Variants in NFE2L3 observed in about 807,000 individuals in gnomAD.
NFE2L3 encodes nuclear factor erythroid 2-related factor 3.
In NFE2L3, 18 loss-of-function variants were observed where a neutral mutation model predicts 23.5. The ratio of observed to expected loss-of-function variants is 0.77; its 90% confidence interval spans 0.53 to 1.13. NFE2L3 has a LOEUF of 1.13. Among genes scored for constraint, NFE2L3 ranks in the 50% most tolerant of loss-of-function variants. NFE2L3 has a pLI of 0.00. For synonymous variants in NFE2L3, 424 were observed against 354.5 expected (o/e 1.20, Z -2.20); for missense variants, 1,152 against 877.2 (o/e 1.31, Z -3.96).
intron 1 of NFE2L3, among the ~76,000 whole-genome samples, chr7:26,160,090 A>G (rs1226895858): frequency 6.6e-6 from 1 of 151,482 alleles, no homozygotes; most frequent in Non-Finnish European, 1.5e-5. Context: ...AGTGGCTGGG[A>G]TCACAAGCAT....
At chr7:26,184,046 C>A in intron 3 of NFE2L3, 1 of 477,738 alleles carries the variant, frequency 2.1e-6, no homozygotes, top group Non-Finnish European at 3.7e-6. Flanking sequence ...GGTATTTATC[C>A]AAAGGAAAGG....
At position 26,186,007 on chromosome 7, in the gene NFE2L3, G is replaced by GTA. The variant is rs1486118635; in HGVS notation, c.*227_*228dup. 1.2e-5 allele frequency: 5 copies of GTA among 417,002 alleles called. No individual in the cohort carries two copies. The highest frequency in any genetic ancestry group is 2.1e-5 in the Non-Finnish European group (5 of 235,048). 25.8% of individuals were successfully genotyped at this position (417,002 alleles called of 1,614,324 possible). A position where few individuals can be genotyped will look rare whatever the true frequency, so the allele number is the denominator to read the frequency against. On this transcript the variant is annotated 3_prime_UTR_variant, in exon 4 of 4. Coordinates refer to ENST00000056233, the MANE Select transcript of NFE2L3 (RefSeq NM_004289.7). ...GCCACAACTTTTCATGAAGTGCATT[G>GTA]TATACAAAATTCATAGTTATGTCCA...
intron 1 of NFE2L3, among the ~76,000 whole-genome samples, chr7:26,156,986 C>A (rs1179409265): frequency 2.0e-5 from 3 of 152,126 alleles, no homozygotes; most frequent in Admixed American, 6.5e-5. Flanking sequence ...GTGGCACGTG[C>A]CTGTAGTCCC....
chr7:26,184,766 T>G lies in NFE2L3; in HGVS notation c.1068T>G (p.Leu356=), dbSNP rs1755085934. The G allele has an allele frequency of 6.2e-7, 1 of 1,613,832 alleles. No homozygotes were observed. Among genetic ancestry groups the G allele is most frequent in the South Asian group, 1.1e-5 (1 of 91,076 alleles). ...NSHTTNPEQT[L]PGTNLTGFLS... is the part of the protein sequence containing the mutation. The stretch of plus-strand genomic sequence containing the variant: ...ATACCACCAATCCTGAGCAAACCCT[T>G]CCTGGAACTAATTTGACAGGATTTC... The change falls in exon 4 of 4, where the codon CTT becomes CTG. Residue 356 remains leucine, a synonymous_variant. Transcript: ENST00000056233.
chr7:26,171,346 C>A (rs1297556825), intron 1 of NFE2L3, among the ~76,000 whole-genome samples: 1 of 152,158 alleles, frequency 6.6e-6, no homozygotes, highest in Middle Eastern at 3.4e-3. Context: ...GAGTTCGAGA[C>A]CAACTTGTTC....
intron 1 of NFE2L3, among the ~76,000 whole-genome samples, chr7:26,154,920 C>G (rs996363640): frequency 4.6e-5 from 7 of 152,200 alleles, no homozygotes; most frequent in African/African-American, 1.7e-4. Context: ...ATCCAGCTTT[C>G]CTAGGGGAGA....
intron 2 of NFE2L3, among the ~76,000 whole-genome samples, chr7:26,182,338 T>C (rs892008374): frequency 2.7e-5 from 4 of 150,178 alleles, no homozygotes; most frequent in Admixed American, 2.6e-4. Flanking sequence ...AATAATTCCA[T>C]GTAGGCCGGG....
chr7:26,186,001 T>A lies in NFE2L3; in HGVS notation c.*218T>A, dbSNP rs1562681952. 2 of 438,368 alleles carry A rather than the reference T, an allele frequency of 4.6e-6. No individual in the cohort carries two copies. Among genetic ancestry groups the A allele is most frequent in the East Asian group, 7.1e-5 (2 of 28,062 alleles). The allele number at this position is 438,368 out of a possible 1,614,324, so 27.2% of individuals were successfully genotyped here. A position where few individuals can be genotyped will look rare whatever the true frequency, so the allele number is the denominator to read the frequency against. On this transcript the variant is annotated 3_prime_UTR_variant, in exon 4 of 4. Coordinates refer to ENST00000056233, the MANE Select transcript of NFE2L3 (RefSeq NM_004289.7). ...GGGGGAGCCACAACTTTTCATGAAG[T>A]GCATTGTATACAAAATTCATAGTTA...
Position 26,184,678 on chromosome 7 carries a change from T to C in NFE2L3, c.980T>C (p.Phe327Ser). The C allele has an allele frequency of 6.2e-7, 1 of 1,613,872 alleles. No individual in the cohort carries two copies. Among genetic ancestry groups the C allele is most frequent in the Non-Finnish European group, 8.5e-7 (1 of 1,179,852 alleles). The change falls in exon 4 of 4, where the codon TTT (phenylalanine) becomes TCT (serine). Residue 327 changes from phenylalanine (F) to serine (S), a missense_variant. Coordinates refer to ENST00000056233, the MANE Select transcript of NFE2L3 (RefSeq NM_004289.7). ...ATCTTGCTTTGTCCCAACAATACAT[T>C]TAGAAGAGATCCAACAGCAAGGACT... ...EAILLCPNNTFRRDPTARTSQ... is the reference protein window; with the variant it reads ...EAILLCPNNTSRRDPTARTSQ...
intron 3 of NFE2L3, 89 bp downstream of exon 3, chr7:26,183,873 C>T: frequency 1.1e-6 from 1 of 869,600 alleles, no homozygotes; most frequent in Non-Finnish European, 1.9e-6. Flanking sequence ...TTGGATGACA[C>T]AGCAGTTTAA....
chr7:26,184,440 T>C (rs1332209300), intron 3 of NFE2L3, 93 bp from the exon 4 acceptor site: 9 of 1,150,736 alleles, frequency 7.8e-6, no homozygotes, highest in African/African-American at 4.6e-5. Context: ...TGTAGAGGAA[T>C]TGACAAAAGA....
In NFE2L3 at chr7:26,184,941, C is replaced by G; in HGVS notation, c.1243C>G (p.Pro415Ala). The part of the protein sequence containing the change: ...PIDVSQLFDE[P>A]DSDSGLSLDS... ...CGATGTTTCTCAGCTTTTTGATGAA[C>G]CAGATTCTGATTCTGGCCTTTCTTT... is the stretch of plus-strand genomic sequence containing the variant. The change falls in exon 4 of 4, where the codon CCA (proline) becomes GCA (alanine). Residue 415 changes from proline to alanine, a missense_variant. Pro to Ala is a conservative substitution (Grantham distance 27). Coordinates refer to ENST00000056233, the MANE Select transcript of NFE2L3 (RefSeq NM_004289.7). 2 of 1,613,910 alleles carry G rather than the reference C, an allele frequency of 1.2e-6. No homozygotes were observed. Among genetic ancestry groups the G allele is most frequent in the Non-Finnish European group, 1.7e-6 (2 of 1,179,834 alleles).
chr7:26,174,812 T>G (rs770772781), intron 1 of NFE2L3: 1 of 152,172 alleles, frequency 6.6e-6, no homozygotes, highest in Non-Finnish European at 1.5e-5. Context: ...TGAAAAAGTT[T>G]GACAAGCTTT....
At chr7:26,158,237 G>C (rs553930719) in intron 1 of NFE2L3, among the ~76,000 whole-genome samples, 181 of 152,114 alleles carry the variant, frequency 1.2e-3, no homozygotes, top group Non-Finnish European at 2.1e-3. Context: ...TTGTAGAGAC[G>C]AGGGTTTTGC....
intron 2 of NFE2L3, 22 bp from the exon 3 acceptor site, chr7:26,183,675 GATGC>G: frequency 1.4e-6 from 2 of 1,440,330 alleles, no homozygotes. Flanking sequence ...TTATGTGAAA[GATGC>G]ACTTTTTGTG....
chr7:26,168,654 G>A (rs1323557538), intron 1 of NFE2L3, among the ~76,000 whole-genome samples: 1 of 151,270 alleles, frequency 6.6e-6, no homozygotes, highest in Non-Finnish European at 1.5e-5. Flanking sequence ...CCACATTTTT[G>A]GAATTGCGAA....
intron 1 of NFE2L3, among the ~76,000 whole-genome samples, chr7:26,165,487 A>C (rs1784233706): frequency 6.6e-6 from 1 of 152,214 alleles, no homozygotes; most frequent in African/African-American, 2.4e-5. Context: ...TGATTTTTGC[A>C]CATTGATTTT....
At chr7:26,153,149 G>C in intron 1 of NFE2L3, 81 bp downstream of exon 1, 1 of 1,351,442 alleles carries the variant, frequency 7.4e-7, no homozygotes, top group Non-Finnish European at 9.7e-7. Context: ...ATCTGAGCAG[G>C]GGCCACTCTC....
rs1784464554 is a variant in NFE2L3, at chr7:26,179,202, TAAG to T, written c.750+1083_750+1085del. 5.3e-5 allele frequency among the ~76,000 whole-genome samples: 8 copies of T among 152,104 alleles called. No homozygotes were observed. The South Asian group carries it at 1.7e-3, about 32-fold the overall frequency. On this transcript the variant is annotated intron_variant, in intron 2 of 3. Coordinates refer to ENST00000056233, the MANE Select transcript of NFE2L3 (RefSeq NM_004289.7). ...CTGGCCATCCCAGTGCAGCAATTGA[TAAG>T]AATAACCCAGTGTGTCCATGTACAG...
Sources: allele counts gnomAD v4.1 joint callset (sites outside exome capture counted in the v4.1 genomes callset), GRCh38; gene constraint gnomAD v4.1.1; transcripts MANE v1.5; gene names NCBI Gene and HGNC (gene_info 2026-07-23, HGNC 2026-07-21).